The following ZMIZ1 variants were observed in gnomAD, a reference collection of about 807,000 sequenced individuals.
ZMIZ1 encodes zinc finger MIZ-type containing 1, also known as zinc finger MIZ domain-containing protein 1.
In ZMIZ1, 17 loss-of-function variants were observed where a neutral mutation model predicts 113.9. The observed-to-expected ratio is 0.15, with a 90% CI of 0.10 to 0.22. ZMIZ1 has a LOEUF of 0.22. Among genes scored for constraint, ZMIZ1 ranks in the 10% least tolerant of loss-of-function variants. The pLI is 1.00. For missense variants in ZMIZ1, 1,059 were observed against 1,477.8 expected (o/e 0.72, Z 4.65); for synonymous variants, 607 against 603.1 (o/e 1.01, Z -0.09).
In ZMIZ1 at chr10:79,214,248, G is replaced by A. The variant is rs374041714; in HGVS notation, c.175-1921G>A. On this transcript the variant is annotated intron_variant, in intron 6 of 24. Transcript: ENST00000334512. ...CCCAGAGACTGGGACATGTAGAGGG[G>A]CAAACAGAGCCCGTGGGAAAGAGGC... Among the ~76,000 whole-genome samples, 8 of 152,318 alleles carry A rather than the reference G, an allele frequency of 5.3e-5. No homozygotes were observed. The East Asian group carries it at 1.4e-3, about 26-fold the overall frequency.
chr10:79,272,417 C>T (rs534542556), intron 7 of ZMIZ1, among the ~76,000 whole-genome samples: 10 of 152,356 alleles, frequency 6.6e-5, no homozygotes, highest in African/African-American at 2.2e-4. Flanking sequence ...GGTTTCGAAT[C>T]GAATCCAGAC....
chr10:79,120,921 C>T (rs1276687637), intron 2 of ZMIZ1, among the ~76,000 whole-genome samples: 4 of 152,144 alleles, frequency 2.6e-5, no homozygotes, highest in Admixed American at 6.5e-5. Context: ...CCTGTTGACT[C>T]GTGAGGAGTT....
At position 79,289,817 on chromosome 10, in the gene ZMIZ1, C is replaced by T. The variant is rs1853347818; in HGVS notation, c.468C>T (p.Asn156=). The change falls in exon 9 of 25, where the codon AAC becomes AAT. Residue 156 remains asparagine, a synonymous_variant. Transcript: ENST00000334512. ...FPYDSVPWQQ[N]TNQPPGSLSV... ...ATGACTCTGTCCCTTGGCAGCAGAACACCAACCAGCCTCCCGGCTCCCTTT... is the reference window on the plus strand; with the variant it reads ...ATGACTCTGTCCCTTGGCAGCAGAATACCAACCAGCCTCCCGGCTCCCTTT... The T allele has an allele frequency of 1.2e-6, 2 of 1,613,980 alleles. No homozygotes were observed. The highest frequency in any genetic ancestry group is 1.3e-5 in the African/African-American group (1 of 74,938).
At chr10:79,222,376 C>T (rs1162073625) in intron 7 of ZMIZ1, among the ~76,000 whole-genome samples, 1 of 152,162 alleles carries the variant, frequency 6.6e-6, no homozygotes, top group East Asian at 1.9e-4. Flanking sequence ...TATTGTCTCA[C>T]ACCCATGGCC....
At chr10:79,243,744 TGCGGGGTCG>T (rs1850016195) in intron 7 of ZMIZ1, 1 of 264,036 alleles carries the variant, frequency 3.8e-6, no homozygotes, top group Admixed American at 6.2e-5. Flanking sequence ...TCTAGGTAAG[TGCGGGGTCG>T]GAGGGGTCGG....
chr10:79,155,721 G>T (rs1845879705), intron 3 of ZMIZ1, among the ~76,000 whole-genome samples: 1 of 152,236 alleles, frequency 6.6e-6, no homozygotes, highest in African/African-American at 2.4e-5. Flanking sequence ...GAGGCCCCCA[G>T]GGATGTGTGC....
At chr10:79,124,034 C>G (rs913815584) in intron 2 of ZMIZ1, among the ~76,000 whole-genome samples, 7 of 152,258 alleles carry the variant, frequency 4.6e-5, no homozygotes, top group African/African-American at 1.2e-4. Context: ...CCACAACCCC[C>G]ACCCAAGCCT....
intron 7 of ZMIZ1, among the ~76,000 whole-genome samples, chr10:79,274,081 C>T (rs540700897): frequency 7.4e-4 from 113 of 151,812 alleles, no homozygotes; most frequent in Non-Finnish European, 5.8e-4. Context: ...CTCTTAACCA[C>T]TGGTAAGTGG....
chr10:79,304,297 C>A, intron 19 of ZMIZ1, 122 bp downstream of exon 19: 1 of 1,279,628 alleles, frequency 7.8e-7, no homozygotes, highest in Non-Finnish European at 1.1e-6. Flanking sequence ...TCATGGAGAT[C>A]AGCAGCTGGC....
intron 8 of ZMIZ1, chr10:79,285,329 G>T (rs1393816795): frequency 2.7e-6 from 1 of 372,816 alleles, no homozygotes; most frequent in African/African-American, 2.1e-5. Context: ...CAGTAACAGC[G>T]GCAGCCAGCA....
intron 4 of ZMIZ1, among the ~76,000 whole-genome samples, chr10:79,179,295 C>A (rs1392433105): frequency 6.6e-6 from 1 of 152,226 alleles, no homozygotes; most frequent in Non-Finnish European, 1.5e-5. Flanking sequence ...AACAGGGGCT[C>A]TGTCTGGGTT....
intron 1 of ZMIZ1, among the ~76,000 whole-genome samples, chr10:79,099,729 C>CATAA: frequency 6.6e-6 from 1 of 152,316 alleles, no homozygotes; most frequent in South Asian, 2.1e-4. Flanking sequence ...AGCATCTCTC[C>CATAA]ATAAACCCCC....
At chr10:79,307,833 TAC>T (rs1182398955) in intron 23 of ZMIZ1, among the ~76,000 whole-genome samples, 2 of 151,938 alleles carry the variant, frequency 1.3e-5, no homozygotes, top group Non-Finnish European at 1.5e-5. Flanking sequence ...ACCCCATGCA[TAC>T]ACACACACGT....
chr10:79,199,152 G>A (rs926161620), intron 4 of ZMIZ1, among the ~76,000 whole-genome samples: 11 of 151,984 alleles, frequency 7.2e-5, no homozygotes, highest in Admixed American at 2.6e-4. Flanking sequence ...GGCAGGGGGC[G>A]ATGGGCAGAT....
chr10:79,172,891 G>T (rs1327270233), intron 4 of ZMIZ1, among the ~76,000 whole-genome samples: 1 of 152,198 alleles, frequency 6.6e-6, no homozygotes, highest in African/African-American at 2.4e-5. Flanking sequence ...CCTTTGTAAC[G>T]GAAGTAAATT....
At chr10:79,267,511 A>C (rs1054775739) in intron 7 of ZMIZ1, among the ~76,000 whole-genome samples, 6 of 152,142 alleles carry the variant, frequency 3.9e-5, no homozygotes, top group Admixed American at 2.0e-4. Context: ...CTTAATCCTC[A>C]TGGTAATTTA....
At chr10:79,287,331 A>G (rs1263288280) in intron 8 of ZMIZ1, among the ~76,000 whole-genome samples, 2 of 152,214 alleles carry the variant, frequency 1.3e-5, no homozygotes, top group African/African-American at 2.4e-5. Context: ...GTCTGTCGCT[A>G]TCTGTCACCT....
chr10:79,197,607 CACAT>C (rs879938712), intron 4 of ZMIZ1, among the ~76,000 whole-genome samples: 29,648 of 134,494 alleles, frequency 0.22, 3,391 homozygotes, highest in Non-Finnish European at 0.29. Flanking sequence ...CACACACACA[CACAT>C]ACACACACAC....
intron 7 of ZMIZ1, among the ~76,000 whole-genome samples, chr10:79,218,728 G>A (rs1469383255): frequency 2.6e-5 from 4 of 152,104 alleles, no homozygotes; most frequent in African/African-American, 9.7e-5. Flanking sequence ...AGTCTCCCCT[G>A]AGACCTGAAG....
Sources: gnomAD v4.1 joint callset for allele counts (sites outside exome capture counted in the v4.1 genomes callset) on GRCh38, gnomAD v4.1.1 for gene constraint, MANE v1.5 for transcripts, NCBI Gene and HGNC (gene_info 2026-07-23, HGNC 2026-07-21) for gene names.